Variants in CD200 observed in about 807,000 individuals in gnomAD.
CD200 encodes CD200 molecule.
CD200 carries 15 observed loss-of-function variants against 30.9 expected under a neutral mutation model. The ratio of observed to expected loss-of-function variants is 0.49; its 90% CI spans 0.32 to 0.75. The LOEUF (loss-of-function observed/expected upper bound fraction) is 0.75, where lower values mean the gene tolerates loss of function less well. CD200 is among the 30% of genes least tolerant of loss of function. The pLI is 0.03. For missense variants in CD200, 262 were observed against 324.2 expected (o/e 0.81, Z 1.47); for synonymous variants, 134 against 126.2 (o/e 1.06, Z -0.41).
intron 3 of CD200, among the ~76,000 whole-genome samples, chr3:112,347,256 G>A (rs927121059): frequency 6.6e-6 from 1 of 152,218 alleles, no homozygotes; most frequent in Non-Finnish European, 1.5e-5. Context: ...GACTGTTTGG[G>A]AGAGAAAAGT....
At chr3:112,335,466 A>C (rs534927456) in intron 1 of CD200, among the ~76,000 whole-genome samples, 5 of 152,352 alleles carry the variant, frequency 3.3e-5, no homozygotes, top group African/African-American at 1.2e-4. Context: ...GCACCTTCAG[A>C]TGATATAATC....
At chr3:112,359,267 C>T (rs2081691853) in intron 5 of CD200, among the ~76,000 whole-genome samples, 1 of 151,994 alleles carries the variant, frequency 6.6e-6, no homozygotes, top group Non-Finnish European at 1.5e-5. Flanking sequence ...AGACAAACAA[C>T]AACAACAAAA....
chr3:112,349,884 G>A (rs1446108045), intron 5 of CD200, 65 bp downstream of exon 5: 1 of 1,501,528 alleles, frequency 6.7e-7, no homozygotes, highest in East Asian at 2.4e-5. Context: ...GACAATTTGT[G>A]AGTCATTTGA....
intron 1 of CD200, chr3:112,333,435 GGCA>G (rs2081042433): frequency 1.0e-6 from 1 of 985,300 alleles, no homozygotes; most frequent in African/African-American, 1.7e-5. Flanking sequence ...GTGGTTTACA[GGCA>G]GCTGCTGGCG....
In CD200 at chr3:112,339,945, A is replaced by G. The variant is rs116135450; in HGVS notation, c.13-957A>G. Among the ~76,000 whole-genome samples, 1,493 of 152,332 alleles carry G rather than the reference A, an allele frequency of 9.8e-3. 31 individuals carry two copies. Among genetic ancestry groups the G allele is most frequent in the African/African-American group, 0.032 (1,341 of 41,570 alleles). On this transcript the variant is annotated intron_variant, in intron 1 of 5. Transcript: ENST00000315711. Reference sequence around the variant, plus strand: ...GTGAACCCCCAGGAATGCAGACGCAATGCTAGAGATTGGGACAATTATGGG... The same window carrying G: ...GTGAACCCCCAGGAATGCAGACGCAGTGCTAGAGATTGGGACAATTATGGG...
chr3:112,338,853 A>G (rs922427698), intron 1 of CD200, among the ~76,000 whole-genome samples: 1 of 152,146 alleles, frequency 6.6e-6, no homozygotes, highest in East Asian at 1.9e-4. Flanking sequence ...AGGGGAGGCA[A>G]GATAGTGTGG....
At position 112,333,201 on chromosome 3, in the gene CD200, C is replaced by A; in HGVS notation, c.-12C>A. On this transcript the variant is annotated 5_prime_UTR_variant, in exon 1 of 6. Transcript: ENST00000315711. ...GCAGTCAGCCACCTCGCGCGCGCCT[C>A]CAGGAGCAAGGATGGAGAGGCTGGT... 2 of 1,549,964 alleles carry A rather than the reference C, an allele frequency of 1.3e-6. No individual in the cohort carries two copies. The highest frequency in any genetic ancestry group is 1.7e-6 in the Non-Finnish European group (2 of 1,146,556).
At chr3:112,343,110 A>G (rs993394894) in intron 2 of CD200, among the ~76,000 whole-genome samples, 1 of 151,894 alleles carries the variant, frequency 6.6e-6, no homozygotes, top group Admixed American at 6.6e-5. Flanking sequence ...ATTTGTTATT[A>G]TGTTGAGATT....
At chr3:112,360,731 A>G (rs982247005) in intron 5 of CD200, among the ~76,000 whole-genome samples, 5 of 152,152 alleles carry the variant, frequency 3.3e-5, no homozygotes, top group East Asian at 1.9e-4. Flanking sequence ...GGTGGTGCCA[A>G]GATAAAATTC....
rs1425100346 is a variant in CD200 at position 112,340,997 on chromosome 3, A to G, written c.94+14A>G. 6.4e-7 allele frequency: 1 copy of G among 1,567,390 alleles called. No individual in the cohort carries two copies. Among genetic ancestry groups the G allele is most frequent in the African/African-American group, 1.4e-5 (1 of 73,764 alleles). The stretch of plus-strand genomic sequence containing the variant: ...GCACAGCACAAGGTAAAGAAACTCA[A>G]TTCCCCTGCTTGGAGCCCAGCAAAC... On this transcript the variant is annotated intron_variant, in intron 2 of 5. Transcript: ENST00000315711.
intron 1 of CD200, among the ~76,000 whole-genome samples, chr3:112,338,896 C>T (rs2081178543): frequency 6.6e-6 from 1 of 152,148 alleles, no homozygotes; most frequent in African/African-American, 2.4e-5. Context: ...AACCAGACTG[C>T]CTGGGCTTAA....
At chr3:112,338,803 C>T (rs751187639) in intron 1 of CD200, among the ~76,000 whole-genome samples, 1 of 152,102 alleles carries the variant, frequency 6.6e-6, no homozygotes, top group African/African-American at 2.4e-5. Flanking sequence ...ACTTTTGTGA[C>T]GATGTGTCAA....
chr3:112,361,793 G>A lies in CD200; in HGVS notation c.*243G>A. On this transcript the variant is annotated 3_prime_UTR_variant, in exon 6 of 6. Coordinates refer to ENST00000315711, the MANE Select transcript of CD200 (RefSeq NM_005944.7). ...ACTTGATTTTGTAAAGCAATGCCATGTTATGTGGTTGAAAGGGCACTGGAC... is the reference window on the plus strand; with the variant it reads ...ACTTGATTTTGTAAAGCAATGCCATATTATGTGGTTGAAAGGGCACTGGAC... The A allele has an allele frequency of 1.7e-6, 1 of 577,012 alleles. No individual in the cohort carries two copies. The highest frequency in any genetic ancestry group is 3.1e-6 in the Non-Finnish European group (1 of 321,656). The allele number at this position is 577,012 out of a possible 1,614,324, so 35.7% of individuals were successfully genotyped here.
intron 5 of CD200, among the ~76,000 whole-genome samples, chr3:112,351,344 C>T (rs375150628): frequency 7.9e-5 from 12 of 152,126 alleles, no homozygotes; most frequent in African/African-American, 2.9e-4. Context: ...TGCAAGCAGA[C>T]AAGTATAAAG....
At chr3:112,340,232 G>A (rs914829655) in intron 1 of CD200, among the ~76,000 whole-genome samples, 18 of 152,074 alleles carry the variant, frequency 1.2e-4, no homozygotes, top group African/African-American at 3.4e-4. Flanking sequence ...CTATTGCAGA[G>A]AAAAGTTCAA....
At chr3:112,359,455 T>C (rs555636476) in intron 5 of CD200, among the ~76,000 whole-genome samples, 162 of 152,296 alleles carry the variant, frequency 1.1e-3, no homozygotes, top group African/African-American at 3.7e-3. Flanking sequence ...GATAAAACTT[T>C]GTAAGTGGGG....
intron 2 of CD200, among the ~76,000 whole-genome samples, chr3:112,343,255 A>C (rs1307051065): frequency 6.6e-6 from 1 of 151,752 alleles, no homozygotes; most frequent in Non-Finnish European, 1.5e-5. Context: ...CATATAAAAC[A>C]TTGATAATAT....
chr3:112,347,432 T>C lies in CD200; in HGVS notation c.422-126T>C, dbSNP rs1015435311. On this transcript the variant is annotated intron_variant, in intron 3 of 5. Coordinates refer to ENST00000315711, the MANE Select transcript of CD200 (RefSeq NM_005944.7). The stretch of plus-strand genomic sequence containing the variant: ...GAAAGTCCCCAGTTTGGGTAGGATA[T>C]GCCATGCTATCTTTCTAGCCTCCAT... The C allele has an allele frequency of 3.1e-6, 3 of 968,148 alleles. No individual in the cohort carries two copies. In the South Asian group the frequency reaches 4.7e-5, roughly 15 times the overall value. 60.0% of individuals were successfully genotyped at this position (968,148 alleles called of 1,614,324 possible). A position where few individuals can be genotyped will look rare whatever the true frequency, so the allele number is the denominator to read the frequency against.
intron 4 of CD200, among the ~76,000 whole-genome samples, chr3:112,349,031 T>A (rs2081473953): frequency 1.3e-5 from 2 of 152,150 alleles, no homozygotes. Flanking sequence ...ATCAAACAAA[T>A]CCCTGTCTGA....
Sources: allele counts gnomAD v4.1 joint callset (sites outside exome capture counted in the v4.1 genomes callset), GRCh38; gene constraint gnomAD v4.1.1; transcripts MANE v1.5; gene names NCBI Gene and HGNC (gene_info 2026-07-23, HGNC 2026-07-21).